The following APC2 variants were observed in gnomAD, a reference collection of about 807,000 sequenced individuals.
APC2 encodes adenomatous polyposis coli protein 2.
Under a neutral mutation model 72.5 loss-of-function variants are expected in APC2, and 41 were observed. The observed-to-expected ratio is 0.57, with a 90% confidence interval of 0.44 to 0.73. The LOEUF is 0.73. APC2 is among the 30% of genes least tolerant of loss of function. The pLI is 0.00. For missense variants in APC2, 3,729 were observed against 3,403.4 expected (o/e 1.10, Z -2.38); for synonymous variants, 1,898 against 1,612.0 (o/e 1.18, Z -4.25).
upstream of APC2, chr19:1,446,252 G>A: frequency 5.1e-6 from 5 of 984,284 alleles, no homozygotes; most frequent in Non-Finnish European, 4.8e-6. This position sits in a 1 kb window ranked among gnomAD's most constrained non-coding sequence, Gnocchi z 6.1. Context: ...GCCGCCGAGG[G>A]GCGGGGCGCG....
Position 1,469,367 on chromosome 19 carries a change from G to C in APC2, c.6066G>C (p.Gln2022His), listed in dbSNP as rs1419980408. The C allele has an allele frequency of 2.4e-6, 3 of 1,262,536 alleles. No individual in the cohort carries two copies. Among genetic ancestry groups the C allele is most frequent in the Non-Finnish European group, 3.0e-6 (3 of 1,001,994 alleles). The allele number at this position is 1,262,536 out of a possible 1,614,324, so 78.2% of individuals were successfully genotyped here. The change falls in exon 15 of 15, where the codon CAG becomes CAC. Residue 2022 changes from glutamine (Q) to histidine (H), a missense_variant. Gln to His is a conservative substitution (Grantham distance 24). Coordinates refer to ENST00000590469, the MANE Select transcript of APC2 (RefSeq NM_005883.3). Reference sequence around the variant, plus strand: ...CCGAGTCCGCGGCCTCTGCCCCCCAGGGCGCCTCGCCCCGCCGCGGCCGGC... The same window carrying C: ...CCGAGTCCGCGGCCTCTGCCCCCCACGGCGCCTCGCCCCGCCGCGGCCGGC... ...SSAESAASAP[Q>H]GASPRRGRPA...
chr19:1,466,449 G>C lies in APC2; in HGVS notation c.3148G>C (p.Val1050Leu). Residue 1050 changes from valine (V) to leucine (L), a missense_variant, in exon 15 of 15, where the codon GTG becomes CTG. Coordinates refer to ENST00000590469, the MANE Select transcript of APC2 (RefSeq NM_005883.3). ...PEKLAAAPLS[V>L]ASKALQKLAA... ...GAAGCTGGCGGCTGCCCCGCTGTCT[G>C]TGGCCAGCAAGGCACTGCAGAAACT... is the stretch of plus-strand genomic sequence containing the variant. 3.1e-6 allele frequency: 5 copies of C among 1,597,872 alleles called. No homozygotes were observed. The highest frequency in any genetic ancestry group is 4.2e-6 in the Non-Finnish European group (5 of 1,179,350).
rs370697212 is a variant in APC2, at chr19:1,461,114, C to T, written c.1599C>T (p.Ser533=). Residue 533 remains serine, a synonymous_variant, in exon 13 of 15, where the codon AGC becomes AGT. Transcript: ENST00000590469. ...AGAAGGTGCTGAGGGAGGCGGGCAG[C>T]GTGACTGCCCTGGTGCAGTGTGTCC... The part of the protein sequence containing the change: ...NSKKVLREAG[S]VTALVQCVLR... The T allele has an allele frequency of 1.4e-5, 22 of 1,612,718 alleles. No homozygotes were observed. Among genetic ancestry groups the T allele is most frequent in the African/African-American group, 1.2e-4 (9 of 75,056 alleles).
intron 4 of APC2, 26 bp from the exon 5 acceptor site, chr19:1,455,110 GCCGCCCTCTGAGC>G: frequency 7.4e-7 from 1 of 1,357,486 alleles, no homozygotes; most frequent in Non-Finnish European, 1.0e-6. Flanking sequence ...CACACACGGC[GCCGCCCTCTGAGC>G]CCGCCCCCGC....
At chr19:1,456,442 C>G (rs1267287925) in intron 8 of APC2, 38 bp downstream of exon 8, 2 of 1,537,222 alleles carry the variant, frequency 1.3e-6, no homozygotes, top group Non-Finnish European at 1.8e-6. Context: ...GCGCAGCTGT[C>G]TGGGCTGGAA....
At position 1,468,164 on chromosome 19, in the gene APC2, C is replaced by T; in HGVS notation, c.4863C>T (p.Ser1621=). The change falls in exon 15 of 15, where the codon AGC becomes AGT. Residue 1621 remains serine (S), a synonymous_variant. Coordinates refer to ENST00000590469, the MANE Select transcript of APC2 (RefSeq NM_005883.3). ...GPGGGRDSSP[S]PRAAEELLQR... is the part of the protein sequence containing the mutation. Reference sequence around the variant, plus strand: ...GAGGCGGACGCGACAGCTCGCCCAGCCCGCGGGCCGCGGAGGAGCTTCTGC... The same window carrying T: ...GAGGCGGACGCGACAGCTCGCCCAGTCCGCGGGCCGCGGAGGAGCTTCTGC... 1 of 1,457,340 alleles carries T rather than the reference C, an allele frequency of 6.9e-7. No homozygotes were observed. The highest frequency in any genetic ancestry group is 2.6e-5 in the Admixed American group (1 of 38,184). The allele number at this position is 1,457,340 out of a possible 1,614,324, so 90.3% of individuals were successfully genotyped here.
intron 11 of APC2, 65 bp from the exon 12 acceptor site, chr19:1,460,715 G>A (rs2083908624): frequency 1.3e-6 from 2 of 1,508,746 alleles, no homozygotes; most frequent in South Asian, 1.2e-5. Flanking sequence ...ACGGGGCTGG[G>A]AGGTGAGGGG....
At chr19:1,460,655 G>T (rs912263969) in intron 11 of APC2, 125 bp from the exon 12 acceptor site, 1 of 1,049,324 alleles carries the variant, frequency 9.5e-7, no homozygotes, top group Non-Finnish European at 1.4e-6. Flanking sequence ...AACCGTCCCC[G>T]GTAGTGGTCA....
In APC2 at chr19:1,468,407, G is replaced by A; in HGVS notation, c.5106G>A (p.Gln1702=). 6.3e-7 allele frequency: 1 copy of A among 1,589,818 alleles called. No individual in the cohort carries two copies. ...ATTCAATTGTCACGTGGCTGCACCA[G>A]GCAGCAGCTGCCACGCGGGAGGCCT... The part of the protein sequence containing the change: ...GANSIVTWLH[Q]AAAATREASS... Residue 1702 remains glutamine (Q), a synonymous_variant, in exon 15 of 15, where the codon CAG becomes CAA. Transcript: ENST00000590469.
rs377493787 is a variant in APC2, at chr19:1,461,917, C to T, written c.1639-46C>T. 1.8e-5 allele frequency: 28 copies of T among 1,513,910 alleles called. No homozygotes were observed. The Middle Eastern group carries it at 1.0e-3, about 56-fold the overall frequency. 93.8% of individuals were successfully genotyped at this position (1,513,910 alleles called of 1,614,324 possible). A position where few individuals can be genotyped will look rare whatever the true frequency, so the allele number is the denominator to read the frequency against. On this transcript the variant is annotated intron_variant, in intron 13 of 14. Coordinates refer to ENST00000590469, the MANE Select transcript of APC2 (RefSeq NM_005883.3). Reference sequence around the variant, plus strand: ...AATGTGAGCGTGGGAGCCTTTCCTCCGGGCCACTCAGGCCCTGACCCGCCC... The same window carrying T: ...AATGTGAGCGTGGGAGCCTTTCCTCTGGGCCACTCAGGCCCTGACCCGCCC...
Position 1,465,415 on chromosome 19 carries a change from C to T in APC2, c.2114C>T (p.Ala705Val). The change falls in exon 15 of 15, where the codon GCC (alanine) becomes GTC (valine). Residue 705 changes from alanine to valine, a missense_variant. Physicochemically the swap from Ala to Val is moderately conservative, Grantham distance 64. Coordinates refer to ENST00000590469, the MANE Select transcript of APC2 (RefSeq NM_005883.3). ...LAHRPAKHQA[A>V]ATAVSPGSCV... The stretch of plus-strand genomic sequence containing the variant: ...CATCGGCCCGCCAAGCACCAGGCGG[C>T]CGCCACCGCCGTGTCCCCAGGCAGC... The T allele has an allele frequency of 1.3e-6, 2 of 1,544,394 alleles. No individual in the cohort carries two copies. Among genetic ancestry groups the T allele is most frequent in the Non-Finnish European group, 1.7e-6 (2 of 1,151,876 alleles).
chr19:1,459,730 C>T (rs1016849325), intron 10 of APC2, among the ~76,000 whole-genome samples: 9 of 152,168 alleles, frequency 5.9e-5, no homozygotes, highest in African/African-American at 9.7e-5. Context: ...GGAAGCGGGG[C>T]GAGTGAAGAG....
chr19:1,463,334 C>T (rs1263001029), intron 14 of APC2, among the ~76,000 whole-genome samples: 1 of 150,748 alleles, frequency 6.6e-6, no homozygotes, highest in Non-Finnish European at 1.5e-5. Flanking sequence ...AGGAAAATGG[C>T]GTGAACCCGG....
chr19:1,463,315 G>C (rs150022898), intron 14 of APC2, among the ~76,000 whole-genome samples: 2,249 of 151,606 alleles, frequency 0.015, 67 homozygotes, highest in African/African-American at 0.051. Flanking sequence ...CTACTCGGGA[G>C]ACTGAAGCAG....
Position 1,456,086 on chromosome 19 carries a change from C to G in APC2, c.650C>G (p.Ser217Trp), listed in dbSNP as rs565260681. The G allele has an allele frequency of 3.2e-6, 5 of 1,578,536 alleles. No homozygotes were observed. In the East Asian group the frequency reaches 6.9e-5, roughly 22 times the overall value. The change falls in exon 7 of 15, where the codon TCG becomes TGG. Residue 217 changes from serine (S) to tryptophan (W), a missense_variant. Physicochemically the swap from Ser to Trp is radical, Grantham distance 177. Coordinates refer to ENST00000590469, the MANE Select transcript of APC2 (RefSeq NM_005883.3). Reference protein sequence around the residue: ...EMVQRAQIRASRLEQIDKELL... With the variant: ...EMVQRAQIRAWRLEQIDKELL... The stretch of plus-strand genomic sequence containing the variant: ...TGTGGTCCTGAGCAGATCCGCGCCT[C>G]GCGCCTGGAGCAGATTGACAAGGAG...
chr19:1,460,423 G>C, intron 11 of APC2, 103 bp downstream of exon 11: 1 of 1,538,622 alleles, frequency 6.5e-7, no homozygotes, highest in East Asian at 2.3e-5. Flanking sequence ...CTGAGAGCTG[G>C]GGCCACTTGT....
intron 7 of APC2, 73 bp downstream of exon 7, chr19:1,456,226 C>G (rs868716481): frequency 6.5e-7 from 1 of 1,550,320 alleles, no homozygotes; most frequent in Admixed American, 1.9e-5. Flanking sequence ...CGAGTTCTGC[C>G]CGCCCCCGCC....
At chr19:1,456,810 G>C in intron 8 of APC2, 43 bp from the exon 9 acceptor site, 8 of 1,567,674 alleles carry the variant, frequency 5.1e-6, no homozygotes, top group Non-Finnish European at 6.0e-6. Context: ...AGGTGTGCGG[G>C]GGGCAGGTGA....
At chr19:1,461,356 C>G (rs996944752) in intron 13 of APC2, 1 of 601,134 alleles carries the variant, frequency 1.7e-6, no homozygotes, top group African/African-American at 1.9e-5. Context: ...CCGTGGCTCA[C>G]TTGAGGTCAG....
Sources: allele counts gnomAD v4.1 joint callset (sites outside exome capture counted in the v4.1 genomes callset), GRCh38; gene constraint gnomAD v4.1.1; non-coding constraint Gnocchi (gnomAD v3.1); transcripts MANE v1.5; gene names NCBI Gene and HGNC (gene_info 2026-07-23, HGNC 2026-07-21).